SRCAP: variants seen among roughly 807,000 people sequenced by gnomAD.
SRCAP encodes the protein Snf2 related CREBBP activator protein.
SRCAP carries 46 observed loss-of-function variants against 263.1 expected under a neutral mutation model. The observed-to-expected ratio is 0.17, with a 90% CI of 0.14 to 0.22. SRCAP has a LOEUF of 0.22. Among genes scored for constraint, SRCAP ranks in the 10% least tolerant of loss-of-function variants. The pLI is 1.00. For synonymous variants in SRCAP, 1,813 were observed against 1,662.1 expected, an observed-to-expected ratio of 1.09 and a Z score of -2.21; for missense variants, 3,695 against 4,181.9, an observed-to-expected ratio of 0.88 and a Z score of 3.21.
At position 30,733,731 on chromosome 16, in the gene SRCAP, A is replaced by T. The variant is rs200901688; in HGVS notation, c.6427A>T (p.Thr2143Ser). ...VVFYDSDWNPTMDAQAQDRCH... is the reference protein window; with the variant it reads ...VVFYDSDWNPSMDAQAQDRCH... ...TTTTTATGACAGCGACTGGAATCCC[A>T]CCATGGATGCTCAGGCCCAGGACCG... The change falls in exon 29 of 34, where the codon ACC becomes TCC. Residue 2143 changes from threonine (T) to serine (S), a missense_variant. Around this residue, in one of 12 missense-constraint regions of SRCAP, gnomAD observed 138 missense variants for 254.9 expected, o/e 0.54. Transcript: ENST00000262518. The surrounding 1 kb of genome is among the most constrained non-coding windows in gnomAD (Gnocchi z 5.3). 1.5e-5 allele frequency: 25 copies of T among 1,614,076 alleles called. No individual in the cohort carries two copies. Among genetic ancestry groups the T allele is most frequent in the Non-Finnish European group, 8.5e-7 (1 of 1,180,024 alleles).
In SRCAP at chr16:30,739,947, G is replaced by A; in HGVS notation, c.*214G>A. 1 of 725,112 alleles carries A rather than the reference G, an allele frequency of 1.4e-6. No individual in the cohort carries two copies. The highest frequency in any genetic ancestry group is 2.0e-6 in the Non-Finnish European group (1 of 496,054). The allele number at this position is 725,112 out of a possible 1,614,324, so 44.9% of individuals were successfully genotyped here. ...CCCTTCCCCTTCACCCCACGTGGCTGGGCAGTGTTAAGGGTGGCAAGATAG... is the reference window on the plus strand; with the variant it reads ...CCCTTCCCCTTCACCCCACGTGGCTAGGCAGTGTTAAGGGTGGCAAGATAG... On this transcript the variant is annotated 3_prime_UTR_variant, in exon 34 of 34. Transcript: ENST00000262518.
chr16:30,722,689 C>T lies in SRCAP; in HGVS notation c.3833C>T (p.Ser1278Leu), dbSNP rs755307689. 12 of 1,613,772 alleles carry T rather than the reference C, an allele frequency of 7.4e-6. No homozygotes were observed. Among genetic ancestry groups the T allele is most frequent in the African/African-American group, 6.7e-5 (5 of 74,844 alleles). The change falls in exon 23 of 34, where the codon TCG (serine) becomes TTG (leucine). Residue 1278 changes from serine (S) to leucine (L), a missense_variant. Ser to Leu is a moderately radical substitution (Grantham distance 145). This residue lies in a region of SRCAP where 1,347 missense variants were observed against 1,304.4 expected (regional missense o/e 1.03). Coordinates refer to ENST00000262518, the MANE Select transcript of SRCAP (RefSeq NM_006662.3). ...GPTPVSVLPSSTPSTTPAPTG... is the reference protein window; with the variant it reads ...GPTPVSVLPSLTPSTTPAPTG... ...ACCCCTGTCTCTGTGCTGCCTTCTT[C>T]GACCCCCAGCACCACCCCTGCCCCT...
At position 30,724,660 on chromosome 16, in the gene SRCAP, C is replaced by T. The variant is rs768905613; in HGVS notation, c.5236C>T (p.Leu1746=). Residue 1746 remains leucine (L), a synonymous_variant, in exon 25 of 34, where the codon CTG becomes TTG. Transcript: ENST00000262518. The part of the protein sequence containing the change: ...PGPPLGPTQT[L]SLAPAPPLAP... ...ACCACCACTGGGTCCAACTCAGACG[C>T]TGTCTCTGGCTCCAGCACCCCCTCT... The T allele has an allele frequency of 1.2e-6, 2 of 1,614,178 alleles. No individual in the cohort carries two copies. Among genetic ancestry groups the T allele is most frequent in the Non-Finnish European group, 1.7e-6 (2 of 1,180,026 alleles).
intron 32 of SRCAP, 53 bp from the exon 33 acceptor site, chr16:30,736,488 T>C (rs986065250): frequency 6.2e-7 from 1 of 1,612,368 alleles, no homozygotes; most frequent in African/African-American, 1.3e-5. Context: ...ATAAGGGTGG[T>C]GGGGCCCTGG....
intron 1 of SRCAP, 120 bp from the exon 2 acceptor site, chr16:30,699,788 C>G (rs567769103): frequency 6.6e-6 from 1 of 152,220 alleles, no homozygotes; most frequent in South Asian, 2.1e-4. Context: ...TTGCATTTCC[C>G]TGAAATGTGA....
At chr16:30,705,108 C>T (rs1359377378) in intron 4 of SRCAP, among the ~76,000 whole-genome samples, 2 of 152,114 alleles carry the variant, frequency 1.3e-5, no homozygotes, top group East Asian at 3.9e-4. Flanking sequence ...CGAGACCAGC[C>T]TGGCCAACGT....
chr16:30,703,138 G>C (rs2052786970), intron 3 of SRCAP, among the ~76,000 whole-genome samples: 1 of 147,182 alleles, frequency 6.8e-6, no homozygotes, highest in African/African-American at 2.7e-5. Context: ...ATCAGAATTT[G>C]AAATCATATG....
Position 30,720,715 on chromosome 16 carries a change from T to C in SRCAP, c.2990T>C (p.Met997Thr), listed in dbSNP as rs2053003003. Residue 997 changes from methionine to threonine, a missense_variant and splice_region_variant, in exon 20 of 34, where the codon ATG becomes ACG. Around this residue, in one of 12 missense-constraint regions of SRCAP, gnomAD observed 147 missense variants for 212.7 expected, o/e 0.69. Coordinates refer to ENST00000262518, the MANE Select transcript of SRCAP (RefSeq NM_006662.3). ...PKPVKMKVNR[M>T]LQPVPKQEGR... Reference sequence around the variant, plus strand: ...ACTCTCTTAATTTTTTCTCACAGGATGCTGCAGCCAGTACCTAAGCAAGAA... The same window carrying C: ...ACTCTCTTAATTTTTTCTCACAGGACGCTGCAGCCAGTACCTAAGCAAGAA... 2 of 1,593,778 alleles carry C rather than the reference T, an allele frequency of 1.3e-6. No individual in the cohort carries two copies. Among genetic ancestry groups the C allele is most frequent in the Admixed American group, 3.5e-5 (2 of 57,450 alleles).
At chr16:30,706,301 C>G (rs1295192291) in intron 4 of SRCAP, among the ~76,000 whole-genome samples, 1 of 152,006 alleles carries the variant, frequency 6.6e-6, no homozygotes, top group East Asian at 1.9e-4. Flanking sequence ...ACGAAAAATA[C>G]AAAAAAATTA....
At chr16:30,708,182 T>A (rs955542679) in intron 6 of SRCAP, among the ~76,000 whole-genome samples, 2 of 152,192 alleles carry the variant, frequency 1.3e-5, no homozygotes, top group African/African-American at 4.8e-5. Flanking sequence ...AATGCTTTTT[T>A]CCTCATGTGT....
At chr16:30,714,366 C>T (rs1218812681) in intron 16 of SRCAP, among the ~76,000 whole-genome samples, 5 of 151,610 alleles carry the variant, frequency 3.3e-5, no homozygotes, top group Non-Finnish European at 5.9e-5. Flanking sequence ...GCCCGGCCTA[C>T]GCCCGGCTAA....
chr16:30,723,524 CAG>C (rs2053031721), intron 24 of SRCAP, 58 bp from the exon 25 acceptor site: 3 of 1,551,164 alleles, frequency 1.9e-6, no homozygotes, highest in Non-Finnish European at 2.6e-6. Flanking sequence ...AAAGATGGGA[CAG>C]GGAGTAGAAA....
rs770612279 is a variant in SRCAP, at chr16:30,707,323, T to C, written c.447T>C (p.Ala149=). The part of the protein sequence containing the change: ...YLCEEMQWLS[A]DFAQERRWKR... ...GCGAAGAGATGCAGTGGCTCTCTGC[T>C]GACTTTGCTCAGGAGCGCCGTTGGA... The change falls in exon 5 of 34, where the codon GCT becomes GCC. Residue 149 remains alanine (A), a synonymous_variant. Transcript: ENST00000262518. 1 of 1,614,200 alleles carries C rather than the reference T, an allele frequency of 6.2e-7. No homozygotes were observed. The highest frequency in any genetic ancestry group is 1.1e-5 in the South Asian group (1 of 91,082).
Position 30,713,712 on chromosome 16 carries a change from G to A in SRCAP, c.2493+1G>A, listed in dbSNP as rs756549173. The A allele has an allele frequency of 6.2e-7, 1 of 1,613,608 alleles. No individual in the cohort carries two copies. The highest frequency in any genetic ancestry group is 1.1e-5 in the South Asian group (1 of 91,054). The stretch of plus-strand genomic sequence containing the variant: ...AGGTCTAGTCAAACGCCTCCACAAG[G>A]TAGGGCCTGCAACAGTTTGTCAGGG... On this transcript the variant is annotated splice_donor_variant, in intron 16 of 33. Coordinates refer to ENST00000262518, the MANE Select transcript of SRCAP (RefSeq NM_006662.3). LOFTEE classifies it high-confidence loss of function.
Position 30,711,995 on chromosome 16 carries a change from G to A in SRCAP, c.1653G>A (p.Val551=). The change falls in exon 12 of 34, where the codon GTG becomes GTA. Residue 551 remains valine (V), a synonymous_variant. Coordinates refer to ENST00000262518, the MANE Select transcript of SRCAP (RefSeq NM_006662.3). Reference sequence around the variant, plus strand: ...AGGAGGAAGATGATGATTTTGGGGTGGAGTACTTGCTTGCCAGGGATGAAG... The same window carrying A: ...AGGAGGAAGATGATGATTTTGGGGTAGAGTACTTGCTTGCCAGGGATGAAG... ...DEEEEDDDFG[V]EYLLARDEEQ... is the part of the protein sequence containing the mutation. 6.2e-7 allele frequency: 1 copy of A among 1,614,028 alleles called. No individual in the cohort carries two copies. The highest frequency in any genetic ancestry group is 8.5e-7 in the Non-Finnish European group (1 of 1,180,018).
At chr16:30,721,525 T>A in intron 21 of SRCAP, 49 bp downstream of exon 21, 2 of 1,583,762 alleles carry the variant, frequency 1.3e-6, no homozygotes, top group Non-Finnish European at 1.7e-6. Flanking sequence ...GGAGGAAAGC[T>A]CAGGACCATG....
At chr16:30,722,817 G>A in intron 23 of SRCAP, 69 bp downstream of exon 23, 1 of 1,557,140 alleles carries the variant, frequency 6.4e-7, no homozygotes, top group South Asian at 1.2e-5. Flanking sequence ...CTGGGCTACT[G>A]TCTGTCCAGC....
chr16:30,716,240 T>C, intron 17 of SRCAP, 38 bp downstream of exon 17: 6 of 1,613,474 alleles, frequency 3.7e-6, no homozygotes, highest in Non-Finnish European at 5.1e-6. Flanking sequence ...GGACTCGAGA[T>C]TGGAGTGTAG....
At chr16:30,707,945 G>A (rs2052845664) in intron 6 of SRCAP, among the ~76,000 whole-genome samples, 1 of 152,180 alleles carries the variant, frequency 6.6e-6, no homozygotes, top group Non-Finnish European at 1.5e-5. Context: ...AGGGCATTTA[G>A]CATGTGTTTA....
Sources: gnomAD v4.1 joint callset for allele counts (sites outside exome capture counted in the v4.1 genomes callset) on GRCh38, gnomAD v4.1.1 for gene constraint, gnomAD v4.1.1 regional missense constraint, Gnocchi (gnomAD v3.1) non-coding constraint, MANE v1.5 for transcripts, NCBI Gene and HGNC (gene_info 2026-07-23, HGNC 2026-07-21) for gene names.